The following ZNF638 variants were observed in gnomAD, a reference collection of about 807,000 sequenced individuals.
ZNF638 encodes the protein CTCL tumor antigen se33-1.
Under a neutral mutation model 195.6 loss-of-function variants are expected in ZNF638, and 46 were observed. The observed-to-expected ratio is 0.24, with a 90% CI of 0.19 to 0.30. The LOEUF is 0.30. Among genes scored for constraint, ZNF638 ranks in the 10% least tolerant of loss-of-function variants. The probability of loss-of-function intolerance (pLI) is 1.00; values close to 1 mark genes in which losing one functional copy is unlikely to be tolerated. For missense variants in ZNF638, 2,440 were observed against 2,325.3 expected (o/e 1.05, Z -1.01); for synonymous variants, 845 against 772.0 (o/e 1.09, Z -1.57).
chr2:71,335,263 A>T (rs1227328092), intron 1 of ZNF638, among the ~76,000 whole-genome samples: 4 of 151,852 alleles, frequency 2.6e-5, no homozygotes, highest in Admixed American at 2.6e-4. Context: ...CTGGTCTCAA[A>T]CTCCTGGACT....
rs572581895 is a variant in ZNF638, at chr2:71,424,637, T to C, written c.4525-13T>C. 48 of 1,597,888 alleles carry C rather than the reference T, an allele frequency of 3.0e-5. No individual in the cohort carries two copies. The highest frequency in any genetic ancestry group is 3.8e-5 in the Non-Finnish European group (45 of 1,172,396). On this transcript the variant is annotated splice_polypyrimidine_tract_variant and intron_variant, in intron 22 of 27. Coordinates refer to ENST00000264447, the MANE Select transcript of ZNF638 (RefSeq NM_014497.5). ...AAATTCCGTTTTTCTGTATTTCTTA[T>C]TTACTATTTCAGACTTTGGCTGAGC...
At chr2:71,392,916 C>T (rs2104403075) in intron 10 of ZNF638, among the ~76,000 whole-genome samples, 1 of 152,162 alleles carries the variant, frequency 6.6e-6, no homozygotes, top group East Asian at 1.9e-4. Flanking sequence ...CCAGTTCCTA[C>T]CTAATTAGCG....
In ZNF638 at chr2:71,402,042, A is replaced by G. The variant is rs2080017460; in HGVS notation, c.2784A>G (p.Pro928=). The part of the protein sequence containing the change: ...SVEEVYDLAK[P]FGGLKDILIL... ...AAGAAGTTTATGACTTAGCAAAACC[A>G]TTTGGTGGTTTAAAGGATATCTTGA... The change falls in exon 16 of 28, where the codon CCA becomes CCG. Residue 928 remains proline, a synonymous_variant. Transcript: ENST00000264447. The G allele has an allele frequency of 6.2e-7, 1 of 1,608,452 alleles. No homozygotes were observed. The highest frequency in any genetic ancestry group is 8.5e-7 in the Non-Finnish European group (1 of 1,176,962).
chr2:71,343,563 T>C (rs2078800200), intron 1 of ZNF638, among the ~76,000 whole-genome samples: 1 of 152,180 alleles, frequency 6.6e-6, no homozygotes, highest in Non-Finnish European at 1.5e-5. Flanking sequence ...GTAGAAGGCA[T>C]TAGGCATGTA....
chr2:71,406,444 CT>C (rs1033843537), intron 19 of ZNF638, among the ~76,000 whole-genome samples, 182 bp downstream of exon 19: 2 of 152,114 alleles, frequency 1.3e-5, no homozygotes, highest in African/African-American at 4.8e-5. Flanking sequence ...GATGACCTCT[CT>C]TTTTTCAGAA....
chr2:71,403,462 G>GT (rs1481614903), intron 16 of ZNF638, among the ~76,000 whole-genome samples: 3 of 151,950 alleles, frequency 2.0e-5, no homozygotes, highest in African/African-American at 7.3e-5. Context: ...CGTTTCTTTG[G>GT]TTTTTTCATG....
chr2:71,368,042 TC>T (rs1049543612), intron 6 of ZNF638, among the ~76,000 whole-genome samples: 109 of 152,322 alleles, frequency 7.2e-4, no homozygotes, highest in African/African-American at 2.4e-3. Context: ...CCATGTAGTT[TC>T]ATAGAAAAAT....
intron 1 of ZNF638, among the ~76,000 whole-genome samples, chr2:71,336,107 C>T (rs984736864): frequency 5.3e-5 from 8 of 152,136 alleles, no homozygotes; most frequent in Admixed American, 1.3e-4. Flanking sequence ...CACGGTGGCT[C>T]ACGCCTGTAA....
In ZNF638 at chr2:71,380,626, T is replaced by TA. The variant is rs2079519400; in HGVS notation, c.2377+62dup. 6.6e-6 allele frequency: 9 copies of TA among 1,361,208 alleles called. 1 individual carries two copies. In the East Asian group the frequency reaches 2.1e-4, roughly 32 times the overall value. The allele number at this position is 1,361,208 out of a possible 1,614,324, so 84.3% of individuals were successfully genotyped here. A position where few individuals can be genotyped will look rare whatever the true frequency, so the allele number is the denominator to read the frequency against. ...GTATCTTGTCAGTTTAGTAGAAACT[T>TA]AGATGATGATGCTATGAAGACACTA... On this transcript the variant is annotated intron_variant, in intron 10 of 27. Transcript: ENST00000264447.
At chr2:71,395,289 A>G (rs1314938788) in intron 10 of ZNF638, 3 of 717,172 alleles carry the variant, frequency 4.2e-6, no homozygotes, top group East Asian at 2.7e-5. Context: ...ACGCCTGACA[A>G]ACCTGCTGCT....
At chr2:71,369,776 G>A in intron 7 of ZNF638, 107 bp from the exon 8 acceptor site, 2 of 1,091,342 alleles carry the variant, frequency 1.8e-6, no homozygotes, top group Middle Eastern at 3.2e-4. Flanking sequence ...ATGACTTGAG[G>A]TAGTTTCATA....
rs762190588 is a variant in ZNF638 at position 71,424,677 on chromosome 2, C to G, written c.4552C>G (p.Pro1518Ala). ...TTTGGCTGAGCAAAACACTAAGAAT[C>G]CTAAAAGCACTACTGGTAGAAGTTC... ...KTLAEQNTKN[P>A]KSTTGRSSKS... is the part of the protein sequence containing the mutation. Residue 1518 changes from proline (P) to alanine (A), a missense_variant, in exon 23 of 28, where the codon CCT becomes GCT. This residue lies in a region of ZNF638 where 1,883 missense variants were observed against 1,739.1 expected (regional missense o/e 1.08). Transcript: ENST00000264447. 3 of 1,612,684 alleles carry G rather than the reference C, an allele frequency of 1.9e-6. No individual in the cohort carries two copies. The highest frequency in any genetic ancestry group is 2.5e-6 in the Non-Finnish European group (3 of 1,179,524).
chr2:71,395,333 G>C (rs1330222676), intron 10 of ZNF638: 2 of 713,636 alleles, frequency 2.8e-6, no homozygotes, highest in Admixed American at 2.0e-5. Flanking sequence ...AACAAAACCT[G>C]ATGCAAAAAA....
intron 1 of ZNF638, among the ~76,000 whole-genome samples, chr2:71,336,402 CAAA>C (rs1269643337): frequency 8.3e-6 from 1 of 121,056 alleles, no homozygotes. Flanking sequence ...AAAAAAAAAC[CAAA>C]AAAACACAAG....
At chr2:71,393,351 T>G (rs1033267196) in intron 10 of ZNF638, 2 of 710,990 alleles carry the variant, frequency 2.8e-6, no homozygotes, top group Non-Finnish European at 5.3e-6. Flanking sequence ...AATGAATTGC[T>G]AACGTGGGGA....
chr2:71,365,875 A>G (rs2079189658), intron 6 of ZNF638, among the ~76,000 whole-genome samples, 169 bp downstream of exon 6: 1 of 152,092 alleles, frequency 6.6e-6, no homozygotes, highest in Non-Finnish European at 1.5e-5. Context: ...GTGTGCCACC[A>G]TGCCTGGCTA....
At chr2:71,374,318 A>G (rs1259041891) in intron 8 of ZNF638, among the ~76,000 whole-genome samples, 1 of 152,216 alleles carries the variant, frequency 6.6e-6, no homozygotes, top group Non-Finnish European at 1.5e-5. Context: ...TTATGTGTAT[A>G]AATTCTGTAT....
chr2:71,387,141 TA>T (rs1484630940), intron 10 of ZNF638, among the ~76,000 whole-genome samples: 1 of 152,116 alleles, frequency 6.6e-6, no homozygotes, highest in Non-Finnish European at 1.5e-5. Context: ...GACAGTTCTT[TA>T]AAGAAAACAA....
At chr2:71,397,654 A>AT (rs1430190219) in intron 11 of ZNF638, among the ~76,000 whole-genome samples, 5 of 152,130 alleles carry the variant, frequency 3.3e-5, no homozygotes, top group African/African-American at 7.2e-5. Context: ...AGATCTATTG[A>AT]TTTTTTATCT....
Sources: gnomAD v4.1 joint callset for allele counts (sites outside exome capture counted in the v4.1 genomes callset) on GRCh38, gnomAD v4.1.1 for gene constraint, gnomAD v4.1.1 regional missense constraint, MANE v1.5 for transcripts, NCBI Gene and HGNC (gene_info 2026-07-23, HGNC 2026-07-21) for gene names.